Variants in PRKG1 observed in about 807,000 individuals in gnomAD.
PRKG1 encodes the protein protein kinase cGMP-dependent 1.
PRKG1 carries 35 observed loss-of-function variants against 88.1 expected under a neutral mutation model. The ratio of observed to expected loss-of-function variants is 0.40; its 90% confidence interval spans 0.30 to 0.53. PRKG1 has a LOEUF of 0.53. Ranked by LOEUF, PRKG1 falls within the 20% of genes least tolerant of loss-of-function variation. The probability of loss-of-function intolerance (pLI) is 0.59; values close to 1 mark genes in which losing one functional copy is unlikely to be tolerated. For missense variants in PRKG1, 540 were observed against 839.8 expected, an observed-to-expected ratio of 0.64 and a Z score of 4.41; for synonymous variants, 303 against 292.5, an observed-to-expected ratio of 1.04 and a Z score of -0.37.
At chr10:52,030,513 T>C (rs1453118189) in intron 5 of PRKG1, among the ~76,000 whole-genome samples, 1 of 152,232 alleles carries the variant, frequency 6.6e-6, no homozygotes, top group Non-Finnish European at 1.5e-5. Context: ...ATTCACATGA[T>C]GGTTTTCTTC....
At chr10:52,239,928 A>G (rs1307175944) in intron 9 of PRKG1, among the ~76,000 whole-genome samples, 1 of 152,180 alleles carries the variant, frequency 6.6e-6, no homozygotes, top group Admixed American at 6.5e-5. Context: ...ACCAGTTTCT[A>G]ATATTATAGT....
intron 2 of PRKG1, among the ~76,000 whole-genome samples, chr10:51,327,645 C>A (rs919120111): frequency 1.3e-5 from 2 of 152,178 alleles, no homozygotes; most frequent in African/African-American, 4.8e-5. Flanking sequence ...ACCTACTACA[C>A]ACCTAAGGTA....
intron 1 of PRKG1, among the ~76,000 whole-genome samples, chr10:51,052,350 GT>G (rs964216435): frequency 1.3e-5 from 2 of 152,180 alleles, no homozygotes; most frequent in African/African-American, 4.8e-5. Flanking sequence ...TGAGGAGTGT[GT>G]TTGGTGGACT....
chr10:52,031,221 T>G (rs1458306279), intron 5 of PRKG1, among the ~76,000 whole-genome samples: 1 of 152,194 alleles, frequency 6.6e-6, no homozygotes, highest in Non-Finnish European at 1.5e-5. Context: ...AAATAATTAG[T>G]TTCCAATTTA....
chr10:51,174,948 G>T (rs930458071), intron 2 of PRKG1, among the ~76,000 whole-genome samples: 1 of 151,834 alleles, frequency 6.6e-6, no homozygotes, highest in Non-Finnish European at 1.5e-5. Context: ...AACATGCTCT[G>T]TTATACACGT....
intron 1 of PRKG1, among the ~76,000 whole-genome samples, chr10:51,006,937 T>G (rs1233642074): frequency 1.2e-3 from 4 of 3,242 alleles, no homozygotes; most frequent in Admixed American, 6.7e-3. Flanking sequence ...GGGCCTGAGA[T>G]TTTTTTTTTT....
At chr10:51,822,462 GA>G (rs975557115) in intron 4 of PRKG1, among the ~76,000 whole-genome samples, 53 of 151,430 alleles carry the variant, frequency 3.5e-4, no homozygotes, top group African/African-American at 1.1e-3. Context: ...GCTAAATGAA[GA>G]AAAAAAAGGT....
chr10:51,710,333 A>G (rs932357499), intron 3 of PRKG1, among the ~76,000 whole-genome samples: 14 of 152,168 alleles, frequency 9.2e-5, no homozygotes, highest in Admixed American at 3.3e-4. Flanking sequence ...CTGTTCATCC[A>G]TTGACCCTCT....
intron 14 of PRKG1, among the ~76,000 whole-genome samples, chr10:52,287,950 G>A (rs1173171384): frequency 6.6e-6 from 1 of 151,950 alleles, no homozygotes; most frequent in East Asian, 1.9e-4. Flanking sequence ...CTTCTGGAAG[G>A]GAAGACAGAC....
chr10:51,632,036 G>A (rs1236159469), intron 3 of PRKG1, among the ~76,000 whole-genome samples: 1 of 152,046 alleles, frequency 6.6e-6, no homozygotes, highest in African/African-American at 2.4e-5. Context: ...ATGCAGCCCA[G>A]GACAGCTGTG....
chr10:52,167,665 G>A (rs1589667231), intron 9 of PRKG1, among the ~76,000 whole-genome samples: 1 of 149,244 alleles, frequency 6.7e-6, no homozygotes, highest in Non-Finnish European at 1.5e-5. Context: ...AAACACCTTT[G>A]AATACATTCC....
chr10:51,094,411 T>C (rs1844478406), intron 1 of PRKG1, among the ~76,000 whole-genome samples: 1 of 152,044 alleles, frequency 6.6e-6, no homozygotes, highest in Non-Finnish European at 1.5e-5. Flanking sequence ...ATTGAATGGG[T>C]CGTGTTTGGT....
At position 52,081,742 on chromosome 10, in the gene PRKG1, G is replaced by A. The variant is rs1846781209; in HGVS notation, c.935+19111G>A. The A allele has an allele frequency of 1.8e-5, 8 of 450,494 alleles. No individual in the cohort carries two copies. The Middle Eastern group carries it at 1.6e-3, about 93-fold the overall frequency. The allele number at this position is 450,494 out of a possible 1,614,324, so 27.9% of individuals were successfully genotyped here. A position where few individuals can be genotyped will look rare whatever the true frequency, so the allele number is the denominator to read the frequency against. ...AGGGTAAGGGTGAACAAGGTGGTAG[G>A]TTGGAGGAATTTGCAATTTTAAGTA... On this transcript the variant is annotated intron_variant, in intron 7 of 17. Transcript: ENST00000373980.
chr10:52,166,235 A>AT (rs11398308), intron 9 of PRKG1, among the ~76,000 whole-genome samples: 118,753 of 151,720 alleles, frequency 0.78, 46,888 homozygotes, highest in African/African-American at 0.88. Flanking sequence ...TTTAATAAAC[A>AT]TTAGAAATTT....
intron 3 of PRKG1, among the ~76,000 whole-genome samples, chr10:51,496,027 T>C (rs186175114): frequency 3.9e-5 from 6 of 152,286 alleles, no homozygotes; most frequent in Admixed American, 3.3e-4. Context: ...TTAACCAACA[T>C]ATTTAAGTGT....
intron 3 of PRKG1, among the ~76,000 whole-genome samples, chr10:51,663,447 A>G (rs952607991): frequency 6.6e-6 from 1 of 152,044 alleles, no homozygotes; most frequent in Non-Finnish European, 1.5e-5. Flanking sequence ...ACTCATGACT[A>G]TAATCCCAGC....
chr10:51,722,075 C>A (rs1842026928), intron 3 of PRKG1, among the ~76,000 whole-genome samples: 1 of 152,018 alleles, frequency 6.6e-6, no homozygotes, highest in Admixed American at 6.6e-5. Context: ...ACTGAAAACA[C>A]AAAAATTAGC....
At chr10:52,237,540 G>A (rs2132367570) in intron 9 of PRKG1, among the ~76,000 whole-genome samples, 2 of 136,148 alleles carry the variant, frequency 1.5e-5, no homozygotes, top group East Asian at 2.1e-4. Flanking sequence ...CAAACAGAGA[G>A]CCAAATCATG....
intron 9 of PRKG1, among the ~76,000 whole-genome samples, chr10:52,167,983 G>C (rs1838537159): frequency 6.6e-6 from 1 of 152,058 alleles, no homozygotes; most frequent in Admixed American, 6.6e-5. Context: ...AATATCCCTT[G>C]GTATACATAA....
Sources: allele counts gnomAD v4.1 joint callset (sites outside exome capture counted in the v4.1 genomes callset), GRCh38; gene constraint gnomAD v4.1.1; transcripts MANE v1.5; gene names NCBI Gene and HGNC (gene_info 2026-07-23, HGNC 2026-07-21).